Variants in DNM1 observed in about 807,000 individuals in gnomAD.
DNM1 encodes dynamin-1.
In DNM1, 29 loss-of-function variants were observed where a neutral mutation model predicts 104.6. The ratio of observed to expected loss-of-function variants is 0.28; its 90% CI spans 0.21 to 0.38. DNM1 has a LOEUF of 0.38. Among genes scored for constraint, DNM1 ranks in the 10% least tolerant of loss-of-function variants. The pLI is 1.00. For missense variants in DNM1, 640 were observed against 1,189.4 expected (o/e 0.54, Z 6.79); for synonymous variants, 445 against 475.8 (o/e 0.94, Z 0.84).
Position 128,247,901 on chromosome 9 carries a change from A to G in DNM1, c.1894-23A>G, listed in dbSNP as rs1836925986. 6.2e-7 allele frequency: 1 copy of G among 1,612,562 alleles called. No individual in the cohort carries two copies. Among genetic ancestry groups the G allele is most frequent in the Non-Finnish European group, 8.5e-7 (1 of 1,179,250 alleles). On this transcript the variant is annotated intron_variant, in intron 17 of 21. Coordinates refer to ENST00000372923, the MANE Select transcript of DNM1 (RefSeq NM_004408.4). This position sits in a 1 kb window ranked among gnomAD's most constrained non-coding sequence, Gnocchi z 5.1. ...CTCCCTGGTGGTGGCGGCGGTGGCA[A>G]TGTTGGTGTGTGGGCCTCCCAGGAC...
chr9:128,214,235 G>A (rs61286499), intron 1 of DNM1, among the ~76,000 whole-genome samples: 102 of 152,230 alleles, frequency 6.7e-4, no homozygotes, highest in African/African-American at 2.4e-3. Context: ...GCAAGCTATC[G>A]TTATTTATAA....
In DNM1 at chr9:128,254,142, T is replaced by G; in HGVS notation, c.2535-512T>G. 2 of 1,292,778 alleles carry G rather than the reference T, an allele frequency of 1.5e-6. No homozygotes were observed. The highest frequency in any genetic ancestry group is 1.9e-6 in the Non-Finnish European group (2 of 1,027,208). The allele number at this position is 1,292,778 out of a possible 1,614,324, so 80.1% of individuals were successfully genotyped here. On this transcript the variant is annotated intron_variant, in intron 21 of 21. Transcript: ENST00000372923. The surrounding 1 kb of genome is among the most constrained non-coding windows in gnomAD (Gnocchi z 6.1). ...CCTCCCCCAGGGTCCCTTCAGAGGG[T>G]CCTGGGTTTTCTGAACACCCAGAGG...
rs1239798923 is a variant in DNM1 at position 128,220,683 on chromosome 9, C to T, written c.849+342C>T. ...CCTTGACAGGGAATCCCAGGGGCTT[C>T]CCCAGGACTTTTCTCCATCTGGAAT... On this transcript the variant is annotated intron_variant, in intron 6 of 21. Transcript: ENST00000372923. This position sits in a 1 kb window ranked among gnomAD's most constrained non-coding sequence, Gnocchi z 5.2. Among the ~76,000 whole-genome samples the T allele has an allele frequency of 1.3e-5, 2 of 150,168 alleles. No homozygotes were observed. The highest frequency in any genetic ancestry group is 3.0e-5 in the Non-Finnish European group (2 of 67,484).
Position 128,222,921 on chromosome 9 carries a change from C to A in DNM1, c.1196+61C>A. 1 of 1,526,352 alleles carries A rather than the reference C, an allele frequency of 6.6e-7. No individual in the cohort carries two copies. The highest frequency in any genetic ancestry group is 9.1e-7 in the Non-Finnish European group (1 of 1,103,234). 94.6% of individuals were successfully genotyped at this position (1,526,352 alleles called of 1,614,324 possible). A position where few individuals can be genotyped will look rare whatever the true frequency, so the allele number is the denominator to read the frequency against. On this transcript the variant is annotated intron_variant, in intron 9 of 21. Coordinates refer to ENST00000372923, the MANE Select transcript of DNM1 (RefSeq NM_004408.4). This position sits in a 1 kb window ranked among gnomAD's most constrained non-coding sequence, Gnocchi z 7.8. ...AGAAGTAGGGGGTCTGGGACAGAGGCACAGGGAGTGATGAAGTGGGCCTCC... is the reference window on the plus strand; with the variant it reads ...AGAAGTAGGGGGTCTGGGACAGAGGAACAGGGAGTGATGAAGTGGGCCTCC...
In DNM1 at chr9:128,245,381, C is replaced by T. The variant is rs1054590226; in HGVS notation, c.1672-1013C>T. On this transcript the variant is annotated intron_variant, in intron 15 of 21. Transcript: ENST00000372923. This position sits in a 1 kb window ranked among gnomAD's most constrained non-coding sequence, Gnocchi z 5.2. ...CTCATGCCCAACCTCTTTGAGTCCC[C>T]GAGGCCCACACAGACGACCCCCGTG... Among the ~76,000 whole-genome samples, 5 of 151,894 alleles carry T rather than the reference C, an allele frequency of 3.3e-5. No homozygotes were observed. Among genetic ancestry groups the T allele is most frequent in the Admixed American group, 2.6e-4 (4 of 15,258 alleles).
chr9:128,248,421 C>G lies in DNM1; in HGVS notation c.1906-162C>G. 1.4e-6 allele frequency: 1 copy of G among 727,774 alleles called. No individual in the cohort carries two copies. Among genetic ancestry groups the G allele is most frequent in the Non-Finnish European group, 2.2e-6 (1 of 455,732 alleles). 45.1% of individuals were successfully genotyped at this position (727,774 alleles called of 1,614,324 possible). On this transcript the variant is annotated intron_variant, in intron 18 of 21. Transcript: ENST00000372923. This position sits in a 1 kb window ranked among gnomAD's most constrained non-coding sequence, Gnocchi z 5.6. ...AGGCTGAATCAGGGGAGTCTAGGGT[C>G]CTGAGAGGCACAGGGATGCGGAGCC...
intron 1 of DNM1, among the ~76,000 whole-genome samples, chr9:128,209,273 G>A (rs1433973103): frequency 6.6e-6 from 1 of 152,202 alleles, no homozygotes; most frequent in Non-Finnish European, 1.5e-5. Context: ...GTGGCCCAGA[G>A]GAGCTGGGAG....
At chr9:128,236,048 T>C (rs947142498) in intron 11 of DNM1, among the ~76,000 whole-genome samples, 2 of 152,186 alleles carry the variant, frequency 1.3e-5, no homozygotes, top group Non-Finnish European at 2.9e-5. Context: ...CAGTCTATCC[T>C]TGTGGTCCTC....
Position 128,245,036 on chromosome 9 carries a change from AG to A in DNM1, c.1672-1353del. On this transcript the variant is annotated intron_variant, in intron 15 of 21. Coordinates refer to ENST00000372923, the MANE Select transcript of DNM1 (RefSeq NM_004408.4). This position sits in a 1 kb window ranked among gnomAD's most constrained non-coding sequence, Gnocchi z 5.2. ...GGGGCTGAGAAGGAGGGGCCTGAGG[AG>A]GGGGCCGGCCGGCAGGAAGGGAGGG... 4.5e-6 allele frequency: 1 copy of A among 223,948 alleles called. No homozygotes were observed. Among genetic ancestry groups the A allele is most frequent in the South Asian group, 4.4e-5 (1 of 22,804 alleles). 13.9% of individuals were successfully genotyped at this position (223,948 alleles called of 1,614,324 possible).
At chr9:128,234,151 C>T (rs1175387340) in intron 11 of DNM1, 44 bp downstream of exon 11, 8 of 1,460,724 alleles carry the variant, frequency 5.5e-6, no homozygotes, top group African/African-American at 1.4e-5. Flanking sequence ...TCCTTCCACT[C>T]CTGGCCGCCT....
chr9:128,227,009 CT>C lies in DNM1; in HGVS notation c.1335+2643del, dbSNP rs369464140. On this transcript the variant is annotated intron_variant, in intron 10 of 21. Coordinates refer to ENST00000372923, the MANE Select transcript of DNM1 (RefSeq NM_004408.4). ...AAATAAGCATCAATCATCTCCATTC[CT>C]TTTTTTTTTTTTTTTTTTTTTTGAG... 6.7e-3 allele frequency among the ~76,000 whole-genome samples: 679 copies of C among 101,756 alleles called. 1 individual carries two copies. The highest frequency in any genetic ancestry group is 0.02 in the African/African-American group (463 of 23,346). 66.8% of individuals were successfully genotyped at this position (101,756 alleles called of 152,430 possible). A position where few individuals can be genotyped will look rare whatever the true frequency, so the allele number is the denominator to read the frequency against.
At chr9:128,212,436 C>T (rs1052096075) in intron 1 of DNM1, among the ~76,000 whole-genome samples, 1 of 152,026 alleles carries the variant, frequency 6.6e-6, no homozygotes, top group Admixed American at 6.6e-5. Context: ...GATCGTACCA[C>T]TGCACTCCAG....
Position 128,220,733 on chromosome 9 carries a change from G to GCA in DNM1, c.849+393_849+394insAC, listed in dbSNP as rs1834898638. On this transcript the variant is annotated intron_variant, in intron 6 of 21. Coordinates refer to ENST00000372923, the MANE Select transcript of DNM1 (RefSeq NM_004408.4). This position sits in a 1 kb window ranked among gnomAD's most constrained non-coding sequence, Gnocchi z 5.2. ...TGGGGCATCCAGAACTGAAGTGCGCGCGCGCGCGCGTGTGTGTGTGTGTGT... is the reference window on the plus strand; with the variant it reads ...TGGGGCATCCAGAACTGAAGTGCGCGCACGCGCGCGCGTGTGTGTGTGTGTGT... Among the ~76,000 whole-genome samples, 4 of 127,006 alleles carry GCA rather than the reference G, an allele frequency of 3.1e-5. No individual in the cohort carries two copies. In the South Asian group the frequency reaches 1.2e-3, roughly 38 times the overall value. 83.3% of individuals were successfully genotyped at this position (127,006 alleles called of 152,430 possible).
At chr9:128,235,237 T>G (rs1835938908) in intron 11 of DNM1, among the ~76,000 whole-genome samples, 1 of 152,068 alleles carries the variant, frequency 6.6e-6, no homozygotes, top group Non-Finnish European at 1.5e-5. Context: ...GGCTCATGCC[T>G]GTAATCCAAG....
At position 128,220,701 on chromosome 9, in the gene DNM1, T is replaced by A. The variant is rs1413628923; in HGVS notation, c.849+360T>A. ...GGGGCTTCCCCAGGACTTTTCTCCA[T>A]CTGGAATGGGGCATCCAGAACTGAA... On this transcript the variant is annotated intron_variant, in intron 6 of 21. Transcript: ENST00000372923. The surrounding 1 kb of genome is among the most constrained non-coding windows in gnomAD (Gnocchi z 5.2). Among the ~76,000 whole-genome samples the A allele has an allele frequency of 2.0e-5, 3 of 146,832 alleles. No homozygotes were observed. Among genetic ancestry groups the A allele is most frequent in the South Asian group, 4.7e-4 (2 of 4,270 alleles).
rs1564327666 is a variant in DNM1 at position 128,218,358 on chromosome 9, G to A, written c.235+54G>A. The stretch of plus-strand genomic sequence containing the variant: ...GCCTGCCCACTCCAGCCTCTCCCCC[G>A]TCCCCAAGCTGAGGGCCAGCCTGGC... On this transcript the variant is annotated intron_variant, in intron 2 of 21. Coordinates refer to ENST00000372923, the MANE Select transcript of DNM1 (RefSeq NM_004408.4). This position sits in a 1 kb window ranked among gnomAD's most constrained non-coding sequence, Gnocchi z 4.8. 4.4e-6 allele frequency: 7 copies of A among 1,594,468 alleles called. No individual in the cohort carries two copies. Among genetic ancestry groups the A allele is most frequent in the Non-Finnish European group, 6.0e-6 (7 of 1,162,288 alleles).
chr9:128,230,968 A>G (rs1359855755), intron 10 of DNM1, among the ~76,000 whole-genome samples: 3 of 151,280 alleles, frequency 2.0e-5, no homozygotes, highest in Non-Finnish European at 2.9e-5. Flanking sequence ...ACACCCAGCT[A>G]ATTTTTGTAT....
At position 128,222,561 on chromosome 9, in the gene DNM1, A is replaced by G; in HGVS notation, c.1093A>G (p.Ile365Val). 1.2e-6 allele frequency: 2 copies of G among 1,614,070 alleles called. No individual in the cohort carries two copies. Among genetic ancestry groups the G allele is most frequent in the Non-Finnish European group, 1.7e-6 (2 of 1,179,994 alleles). The change falls in exon 8 of 22, where the codon ATC (isoleucine) becomes GTC (valine). Residue 365 changes from isoleucine (I) to valine (V), a missense_variant. Transcript: ENST00000372923. This position sits in a 1 kb window ranked among gnomAD's most constrained non-coding sequence, Gnocchi z 7.8. ...GTCAGGGGGAGCCCGCATTAACCGA[A>G]TCTTCCACGAGCGCTTCCCTTTCGA... ...ELSGGARINR[I>V]FHERFPFELV...
Position 128,254,050 on chromosome 9 carries a change from C to T in DNM1, c.2535-604C>T. The T allele has an allele frequency of 8.1e-7, 1 of 1,236,904 alleles. No homozygotes were observed. The highest frequency in any genetic ancestry group is 1.0e-6 in the Non-Finnish European group (1 of 991,606). The allele number at this position is 1,236,904 out of a possible 1,614,324, so 76.6% of individuals were successfully genotyped here. On this transcript the variant is annotated intron_variant, in intron 21 of 21. Coordinates refer to ENST00000372923, the MANE Select transcript of DNM1 (RefSeq NM_004408.4). This position sits in a 1 kb window ranked among gnomAD's most constrained non-coding sequence, Gnocchi z 6.1. Reference sequence around the variant, plus strand: ...CCTACGAGACCTGCAGCCCCCCGACCAGCTGAGGCTCCCCTCTTAGACTTA... The same window carrying T: ...CCTACGAGACCTGCAGCCCCCCGACTAGCTGAGGCTCCCCTCTTAGACTTA...
Sources: gnomAD v4.1 joint callset for allele counts (sites outside exome capture counted in the v4.1 genomes callset) on GRCh38, gnomAD v4.1.1 for gene constraint, Gnocchi (gnomAD v3.1) non-coding constraint, MANE v1.5 for transcripts, NCBI Gene and HGNC (gene_info 2026-07-23, HGNC 2026-07-21) for gene names.